Variants in FADS2 observed in about 807,000 individuals in gnomAD.
FADS2 encodes acyl-CoA 6-desaturase.
A neutral mutation model predicts 61.2 loss-of-function variants in FADS2; 18 were observed. That is an observed-to-expected ratio of 0.29 (90% CI 0.20 to 0.44). The LOEUF (loss-of-function observed/expected upper bound fraction) is 0.44. Ranked by LOEUF, FADS2 falls within the 20% of genes least tolerant of loss-of-function variation. The pLI is 1.00. For synonymous variants in FADS2, 203 were observed against 223.9 expected, an observed-to-expected ratio of 0.91 and a Z score of 0.83; for missense variants, 322 against 572.7, an observed-to-expected ratio of 0.56 and a Z score of 4.47.
intron 1 of FADS2, among the ~76,000 whole-genome samples, chr11:61,832,121 G>A (rs1278619120): frequency 2.0e-5 from 3 of 152,168 alleles, no homozygotes; most frequent in African/African-American, 7.2e-5. Context: ...CTAGACATCA[G>A]CCCCCTACCC....
intron 1 of FADS2, among the ~76,000 whole-genome samples, chr11:61,818,295 A>G (rs922476241): frequency 2.7e-4 from 41 of 152,322 alleles, no homozygotes; most frequent in African/African-American, 9.9e-4. Flanking sequence ...GGAAGTTTAG[A>G]TGTCCTGACT....
At chr11:61,847,420 G>A (rs1201741780) in intron 4 of FADS2, 2 of 152,030 alleles carry the variant, frequency 1.3e-5, no homozygotes, top group Non-Finnish European at 2.9e-5. Flanking sequence ...CAACTGCTCA[G>A]CTTTCTGTCT....
chr11:61,816,511 C>T lies in FADS2; in HGVS notation c.141+85C>T, dbSNP rs779475526. ...TAACTCTGTCTCCCCTGCACTCAGC[C>T]TCCGGTCCCGCCCTCTCCTGTGCCC... On this transcript the variant is annotated intron_variant, in intron 1 of 11. Transcript: ENST00000257261. This position sits in a 1 kb window ranked among gnomAD's most constrained non-coding sequence, Gnocchi z 7.0. The T allele has an allele frequency of 6.3e-7, 1 of 1,598,034 alleles. No homozygotes were observed. The highest frequency in any genetic ancestry group is 2.3e-5 in the East Asian group (1 of 44,316).
chr11:61,835,608 G>A (rs573348089), intron 1 of FADS2, among the ~76,000 whole-genome samples: 17 of 141,942 alleles, frequency 1.2e-4, no homozygotes, highest in African/African-American at 4.5e-4. Context: ...GTTTCACCAT[G>A]TTGGCCAGTC....
chr11:61,850,683 C>T (rs1318608602), intron 5 of FADS2, among the ~76,000 whole-genome samples: 1 of 152,090 alleles, frequency 6.6e-6, no homozygotes, highest in East Asian at 1.9e-4. Flanking sequence ...ATATGCGCTG[C>T]TTTTTGGAAA....
intron 5 of FADS2, chr11:61,854,324 C>G (rs541481292): frequency 2.0e-5 from 3 of 152,288 alleles, no homozygotes; most frequent in Non-Finnish European, 4.4e-5. Flanking sequence ...GGGCAGTGTG[C>G]GTGCACAACG....
intron 5 of FADS2, among the ~76,000 whole-genome samples, chr11:61,849,511 C>T (rs1043226997): frequency 4.0e-5 from 6 of 151,080 alleles, no homozygotes; most frequent in Non-Finnish European, 5.9e-5. Context: ...TTGAGCTGAG[C>T]CCAGGAGGTT....
intron 7 of FADS2, 92 bp downstream of exon 7, chr11:61,857,622 A>AG: frequency 8.5e-7 from 1 of 1,175,082 alleles, no homozygotes; most frequent in Non-Finnish European, 1.3e-6. Context: ...CGTGTGCCCC[A>AG]GTGGAGCCTG....
chr11:61,853,714 G>A (rs775906795), intron 5 of FADS2, among the ~76,000 whole-genome samples: 34 of 151,992 alleles, frequency 2.2e-4, no homozygotes, highest in African/African-American at 3.1e-4. Context: ...CACACATGCC[G>A]CCCTCTCGGG....
chr11:61,857,872 C>T (rs559618373), intron 7 of FADS2, among the ~76,000 whole-genome samples: 1 of 152,276 alleles, frequency 6.6e-6, no homozygotes, highest in South Asian at 2.1e-4. Context: ...ACTGGGTTGC[C>T]CCACACCCTG....
intron 10 of FADS2, 109 bp downstream of exon 10, chr11:61,863,895 C>A: frequency 1.1e-6 from 1 of 916,582 alleles, no homozygotes; most frequent in Admixed American, 1.9e-5. Flanking sequence ...GTCTCTCTGA[C>A]AAGGTCTCTG....
At chr11:61,861,031 C>A (rs183164194) in intron 7 of FADS2, among the ~76,000 whole-genome samples, 45 of 151,664 alleles carry the variant, frequency 3.0e-4, no homozygotes, top group African/African-American at 9.9e-4. Flanking sequence ...TAAGTGAGAC[C>A]CCCCCATCTC....
In FADS2 at chr11:61,828,609, G is replaced by A. The variant is rs1451284127; in HGVS notation, c.207+12G>A. On this transcript the variant is annotated intron_variant, in intron 1 of 11. Transcript: ENST00000278840. The surrounding 1 kb of genome is among the most constrained non-coding windows in gnomAD (Gnocchi z 6.4). ...GAGAAGATGCAACGGTAAGGGTCTG[G>A]GGGCGCCCCAGCCACCCTTCTCTGC... 6.2e-7 allele frequency: 1 copy of A among 1,607,026 alleles called. No individual in the cohort carries two copies. The highest frequency in any genetic ancestry group is 8.5e-7 in the Non-Finnish European group (1 of 1,175,440).
chr11:61,863,609 G>T, intron 9 of FADS2, 98 bp from the exon 10 acceptor site: 1 of 1,022,336 alleles, frequency 9.8e-7, no homozygotes, highest in Non-Finnish European at 1.5e-6. Flanking sequence ...ATGTGGACGG[G>T]TGGCCTGGAG....
At chr11:61,823,707 G>C (rs182991681), upstream of FADS2, among the ~76,000 whole-genome samples, 4 of 152,208 alleles carry the variant, frequency 2.6e-5, 1 homozygote, top group East Asian at 7.7e-4. Flanking sequence ...TGTACAGACA[G>C]GGTCTCACTG....
rs2067103179 is a variant in FADS2 at position 61,828,733 on chromosome 11, T to C, written c.207+136T>C. 1.4e-6 allele frequency: 1 copy of C among 723,450 alleles called. No homozygotes were observed. Among genetic ancestry groups the C allele is most frequent in the African/African-American group, 1.8e-5 (1 of 56,430 alleles). The allele number at this position is 723,450 out of a possible 1,614,324, so 44.8% of individuals were successfully genotyped here. On this transcript the variant is annotated intron_variant, in intron 1 of 11. Coordinates refer to ENST00000278840, the MANE Select transcript of FADS2 (RefSeq NM_004265.4). The surrounding 1 kb of genome is among the most constrained non-coding windows in gnomAD (Gnocchi z 6.4). ...CCTGTAGGGAAGGAAAGTGCATCTA[T>C]TGCACTCGTACCCCCTCCCCAATCC...
At chr11:61,837,709 T>C (rs1043008742) in intron 1 of FADS2, 69 bp from the exon 2 acceptor site, 16 of 1,092,134 alleles carry the variant, frequency 1.5e-5, no homozygotes, top group African/African-American at 3.1e-5. Flanking sequence ...TGGTGAGCAC[T>C]GTCCTCCTTG....
intron 1 of FADS2, chr11:61,817,132 T>TG (rs1290664154): frequency 3.5e-6 from 1 of 284,730 alleles, no homozygotes; most frequent in Non-Finnish European, 5.6e-6. Flanking sequence ...GTGCAGGCCC[T>TG]GGGTGCGGGG....
intron 1 of FADS2, chr11:61,821,387 A>G: frequency 1.4e-6 from 1 of 701,744 alleles, no homozygotes; most frequent in African/African-American, 1.7e-5. Context: ...AAAGAAAAGA[A>G]AAAAAAAGAC....
Sources: allele counts gnomAD v4.1 joint callset (sites outside exome capture counted in the v4.1 genomes callset), GRCh38; gene constraint gnomAD v4.1.1; non-coding constraint Gnocchi (gnomAD v3.1); transcripts MANE v1.5; gene names NCBI Gene and HGNC (gene_info 2026-07-23, HGNC 2026-07-21).